PCDHGA8: variants seen among roughly 807,000 people sequenced by gnomAD.
PCDHGA8 encodes the protein protocadherin gamma-A8.
A neutral mutation model predicts 59.2 loss-of-function variants in PCDHGA8; 45 were observed. The observed-to-expected ratio is 0.76, with a 90% CI of 0.60 to 0.98. The LOEUF (loss-of-function observed/expected upper bound fraction) is 0.98. Ranked by LOEUF, PCDHGA8 falls within the 50% of genes least tolerant of loss-of-function variation. PCDHGA8 has a pLI of 0.00. For missense variants in PCDHGA8, 1,257 were observed against 1,196.2 expected (o/e 1.05, Z -0.75); for synonymous variants, 531 against 519.0 (o/e 1.02, Z -0.32).
At position 141,394,905 on chromosome 5, in the gene PCDHGA8, G is replaced by A. The variant is rs1281710551; in HGVS notation, c.2092G>A (p.Ala698Thr). Residue 698 changes from alanine (A) to threonine (T), a missense_variant, in exon 1 of 4, where the codon GCT (alanine) becomes ACT (threonine). Physicochemically the swap from Ala to Thr is moderately conservative, Grantham distance 58. Transcript: ENST00000398604. ...TACACTCTATCTCGTGGTGGCAGTG[G>A]CTGCCATCTCCTGTGTCTTCCTCGC... ...SLTLYLVVAVAAISCVFLAFV... is the reference protein window; with the variant it reads ...SLTLYLVVAVTAISCVFLAFV... The A allele has an allele frequency of 1.2e-6, 2 of 1,613,720 alleles. No individual in the cohort carries two copies. Among genetic ancestry groups the A allele is most frequent in the Non-Finnish European group, 1.7e-6 (2 of 1,179,870 alleles).
chr5:141,413,815 C>T (rs1357769705), intron 1 of PCDHGA8: 11 of 1,613,224 alleles, frequency 6.8e-6, no homozygotes, highest in Non-Finnish European at 8.5e-6. Flanking sequence ...CATTCACCAC[C>T]TGGTCCTCAC....
At chr5:141,482,074 A>G (rs1349748840) in intron 1 of PCDHGA8, among the ~76,000 whole-genome samples, 2 of 142,830 alleles carry the variant, frequency 1.4e-5, no homozygotes, top group Non-Finnish European at 3.0e-5. Context: ...AACAAGAACA[A>G]AACTCACTCC....
At chr5:141,406,957 G>A (rs184355186) in intron 1 of PCDHGA8, among the ~76,000 whole-genome samples, 69 of 152,242 alleles carry the variant, frequency 4.5e-4, no homozygotes, top group African/African-American at 1.6e-3. Context: ...ACATAGTGTT[G>A]TTTCAAATAG....
chr5:141,507,553 C>T (rs1382652977), intron 3 of PCDHGA8, among the ~76,000 whole-genome samples: 4 of 152,192 alleles, frequency 2.6e-5, no homozygotes, highest in Admixed American at 2.0e-4. Flanking sequence ...ATGAAAGTGG[C>T]AGGCGGCTGG....
At chr5:141,420,334 T>A in intron 1 of PCDHGA8, 1 of 1,402,910 alleles carries the variant, frequency 7.1e-7, no homozygotes, top group Non-Finnish European at 9.5e-7. Context: ...TATATTCCAA[T>A]ATAGTGGTAT....
chr5:141,469,881 G>A (rs922510082), intron 1 of PCDHGA8, among the ~76,000 whole-genome samples: 11 of 152,056 alleles, frequency 7.2e-5, no homozygotes, highest in Admixed American at 3.3e-4. Context: ...CTGTAATCTC[G>A]GCACTTTGGG....
chr5:141,410,222 G>A, intron 1 of PCDHGA8: 2 of 1,614,018 alleles, frequency 1.2e-6, no homozygotes, highest in South Asian at 2.2e-5. Flanking sequence ...GATACTGCCA[G>A]ACCTCAGCGA....
chr5:141,413,841 T>G, intron 1 of PCDHGA8: 1 of 1,613,060 alleles, frequency 6.2e-7, no homozygotes, highest in Non-Finnish European at 8.5e-7. Context: ...CCGACGGGGG[T>G]GACCCTCTCC....
At chr5:141,428,024 A>G (rs2097101613) in intron 1 of PCDHGA8, 1 of 1,606,106 alleles carries the variant, frequency 6.2e-7, no homozygotes, top group African/African-American at 1.3e-5. Context: ...CACGCGCCGC[A>G]GAGTCCGGCT....
At chr5:141,398,893 C>G in intron 1 of PCDHGA8, 1 of 1,613,962 alleles carries the variant, frequency 6.2e-7, no homozygotes, top group Admixed American at 1.7e-5. Flanking sequence ...GGAAAACGTG[C>G]CACCAGGCAC....
chr5:141,423,678 G>A (rs1161093615), intron 1 of PCDHGA8: 3 of 1,496,158 alleles, frequency 2.0e-6, no homozygotes, highest in Non-Finnish European at 2.7e-6. Flanking sequence ...TTATTTCTCT[G>A]CCTCCTAATT....
Position 141,405,346 on chromosome 5 carries a change from G to T in PCDHGA8, c.2424+10109G>T, listed in dbSNP as rs184640789. 60 of 1,614,108 alleles carry T rather than the reference G, an allele frequency of 3.7e-5. No individual in the cohort carries two copies. The East Asian group carries it at 1.3e-3, about 35-fold the overall frequency. The stretch of plus-strand genomic sequence containing the variant: ...CTTTGTGCGTCTCTGTTGATTCCAA[G>T]TTTCCTATAGAAGACACCCCTTTGG... On this transcript the variant is annotated intron_variant, in intron 1 of 3. Transcript: ENST00000398604.
chr5:141,464,093 C>T (rs1029458289), intron 1 of PCDHGA8, among the ~76,000 whole-genome samples: 1 of 151,888 alleles, frequency 6.6e-6, no homozygotes, highest in Non-Finnish European at 1.5e-5. Context: ...GGTGAAACTC[C>T]GTCTCTACTA....
In PCDHGA8 at chr5:141,476,585, G is replaced by C; in HGVS notation, c.2425-18222G>C. 6.2e-7 allele frequency: 1 copy of C among 1,614,214 alleles called. No homozygotes were observed. The highest frequency in any genetic ancestry group is 8.5e-7 in the Non-Finnish European group (1 of 1,180,040). On this transcript the variant is annotated intron_variant, in intron 1 of 3. Coordinates refer to ENST00000398604, the MANE Select transcript of PCDHGA8 (RefSeq NM_032088.2). The surrounding 1 kb of genome is among the most constrained non-coding windows in gnomAD (Gnocchi z 7.6). ...GGCTCCGGGGACGCGCTTTCCGCTC[G>C]AGAGCGCGCACGATCCCGATGTGGG...
chr5:141,404,029 C>T (rs1363448), intron 1 of PCDHGA8: 736,203 of 1,612,620 alleles, frequency 0.46, 175,243 homozygotes, highest in African/African-American at 0.8. Flanking sequence ...TGAGAGAAGA[C>T]GCACCTCAGG....
chr5:141,431,325 G>A lies in PCDHGA8; in HGVS notation c.2424+36088G>A. On this transcript the variant is annotated intron_variant, in intron 1 of 3. Transcript: ENST00000398604. The surrounding 1 kb of genome is among the most constrained non-coding windows in gnomAD (Gnocchi z 4.8). ...ATCGTGCAAAATGGAGCCGACGGTA[G>A]TAAGTACCCCGAATTGGTGCTGAAA... is the stretch of plus-strand genomic sequence containing the variant. 6.2e-7 allele frequency: 1 copy of A among 1,614,144 alleles called. No homozygotes were observed. The highest frequency in any genetic ancestry group is 8.5e-7 in the Non-Finnish European group (1 of 1,180,052).
rs766182165 is a variant in PCDHGA8 at position 141,478,048 on chromosome 5, C to T, written c.2425-16759C>T. ...ACACAGATTCACCCAGGCAGACTCT[C>T]ACGGTCTTGATCAAAGACAATGGGG... On this transcript the variant is annotated intron_variant, in intron 1 of 3. Transcript: ENST00000398604. 5.6e-6 allele frequency: 9 copies of T among 1,614,040 alleles called. No homozygotes were observed. In the Admixed American group the frequency reaches 1.0e-4, roughly 18 times the overall value.
chr5:141,494,977 T>C, intron 2 of PCDHGA8, 112 bp downstream of exon 2: 1 of 1,574,332 alleles, frequency 6.4e-7, no homozygotes, highest in East Asian at 2.3e-5. Context: ...TCTCCCTCAG[T>C]TTGAGATCCC....
chr5:141,404,147 G>A lies in PCDHGA8; in HGVS notation c.2424+8910G>A, dbSNP rs750117507. 2 of 1,612,990 alleles carry A rather than the reference G, an allele frequency of 1.2e-6. No homozygotes were observed. The highest frequency in any genetic ancestry group is 1.7e-6 in the Non-Finnish European group (2 of 1,179,340). ...ATCTTTTACATTAGAAAATTCAGAA[G>A]AAGATTATTACAGATTGTTGACGGC... On this transcript the variant is annotated intron_variant, in intron 1 of 3. Coordinates refer to ENST00000398604, the MANE Select transcript of PCDHGA8 (RefSeq NM_032088.2).
Sources: gnomAD v4.1 joint callset for allele counts (sites outside exome capture counted in the v4.1 genomes callset) on GRCh38, gnomAD v4.1.1 for gene constraint, Gnocchi (gnomAD v3.1) non-coding constraint, MANE v1.5 for transcripts, NCBI Gene and HGNC (gene_info 2026-07-23, HGNC 2026-07-21) for gene names.